The following ZNF362 variants were observed in gnomAD, a reference collection of about 807,000 sequenced individuals.
ZNF362 encodes rotund homolog.
A neutral mutation model predicts 42.9 loss-of-function variants in ZNF362; 11 were observed. The ratio of observed to expected loss-of-function variants is 0.26; its 90% CI spans 0.16 to 0.42. ZNF362 has a LOEUF of 0.42. Among genes scored for constraint, ZNF362 ranks in the 20% least tolerant of loss-of-function variants. ZNF362 has a pLI of 1.00. For synonymous variants in ZNF362, 255 were observed against 257.3 expected (o/e 0.99, Z 0.09); for missense variants, 362 against 576.2 (o/e 0.63, Z 3.81).
At chr1:33,165,464 G>A in the ZNF362 span, 2 of 1,591,966 alleles carry the variant, frequency 1.3e-6, no homozygotes, top group Admixed American at 3.4e-5. This position sits in a 1 kb window ranked among gnomAD's most constrained non-coding sequence, Gnocchi z 4.0. Context: ...GCCCCGGCCA[G>A]GCTCACCTTG....
intron 6 of ZNF362, among the ~76,000 whole-genome samples, chr1:33,286,613 C>T (rs772350126): frequency 2.6e-5 from 4 of 152,078 alleles, no homozygotes; most frequent in Non-Finnish European, 5.9e-5. Context: ...AGTCACTAGA[C>T]GCTTGCACAT....
At chr1:33,129,183 G>A in the ZNF362 span, among the ~76,000 whole-genome samples, 3 of 152,142 alleles carry the variant, frequency 2.0e-5, no homozygotes, top group South Asian at 2.1e-4. This position sits in a 1 kb window ranked among gnomAD's most constrained non-coding sequence, Gnocchi z 4.1. Flanking sequence ...GGCATATTAC[G>A]AAGAAGTGAT....
At chr1:33,165,528 G>C in the ZNF362 span, 1 of 1,610,644 alleles carries the variant, frequency 6.2e-7, no homozygotes, top group Non-Finnish European at 8.5e-7. This position sits in a 1 kb window ranked among gnomAD's most constrained non-coding sequence, Gnocchi z 4.0. Context: ...GTTCCCGCTC[G>C]CTGTCTTGAA....
At chr1:33,257,430 T>C (rs56918669) in intron 1 of ZNF362, among the ~76,000 whole-genome samples, 2,662 of 149,976 alleles carry the variant, frequency 0.018, 31 homozygotes, top group Non-Finnish European at 0.023. Context: ...TTCTTTCTTT[T>C]TTTTTTTTTT....
At chr1:33,245,556 G>A in the ZNF362 span, among the ~76,000 whole-genome samples, 4 of 152,124 alleles carry the variant, frequency 2.6e-5, no homozygotes, top group Non-Finnish European at 4.4e-5. Flanking sequence ...ATTAAGGATC[G>A]TGAGATGAGA....
At chr1:33,213,582 C>T in the ZNF362 span, among the ~76,000 whole-genome samples, 1 of 152,090 alleles carries the variant, frequency 6.6e-6, no homozygotes, top group Admixed American at 6.5e-5. Context: ...CGTGTTGGCT[C>T]ACGCCTGTAA....
the ZNF362 span, among the ~76,000 whole-genome samples, chr1:33,133,754 C>T: frequency 6.6e-6 from 1 of 152,242 alleles, no homozygotes; most frequent in Non-Finnish European, 1.5e-5. Flanking sequence ...CCACACAACA[C>T]TGGGCTCCCA....
chr1:33,275,888 G>A (rs546525395), intron 2 of ZNF362, among the ~76,000 whole-genome samples: 1 of 152,142 alleles, frequency 6.6e-6, no homozygotes, highest in East Asian at 1.9e-4. Flanking sequence ...ACTAAGGGGG[G>A]GTGGTGGGGG....
the ZNF362 span, among the ~76,000 whole-genome samples, chr1:33,190,367 T>G: frequency 3.7e-3 from 558 of 152,276 alleles, 4 homozygotes; most frequent in Non-Finnish European, 5.9e-3. Context: ...GATGGTTAAG[T>G]GCTGCTACCT....
At chr1:33,269,677 C>T (rs539646243) in intron 1 of ZNF362, among the ~76,000 whole-genome samples, 4 of 152,320 alleles carry the variant, frequency 2.6e-5, no homozygotes, top group African/African-American at 9.6e-5. Context: ...GCTGAGATTA[C>T]AGGCATGAAC....
intron 6 of ZNF362, among the ~76,000 whole-genome samples, chr1:33,292,062 T>C (rs961005189): frequency 1.4e-4 from 21 of 152,278 alleles, no homozygotes; most frequent in African/African-American, 5.1e-4. Flanking sequence ...CCTTTATTTC[T>C]TTCTCCTGCC....
Position 33,270,710 on chromosome 1 carries a change from C to T in ZNF362, c.38+98C>T, listed in dbSNP as rs539639191. On this transcript the variant is annotated intron_variant, in intron 2 of 8. Transcript: ENST00000539719. ...TCGTCCCACCTTCCCTGAGTGCCCC[C>T]GCTGCTACCCTCTGGGTCTGCCCTG... 1.8e-4 allele frequency: 274 copies of T among 1,549,472 alleles called. 4 individuals carry two copies. In the South Asian group the frequency reaches 2.4e-3, roughly 13 times the overall value.
At chr1:33,239,919 C>T in the ZNF362 span, among the ~76,000 whole-genome samples, 1 of 152,270 alleles carries the variant, frequency 6.6e-6, no homozygotes, top group African/African-American at 2.4e-5. Context: ...TAGTAACAGA[C>T]TATCACCCAT....
At chr1:33,217,362 T>A in the ZNF362 span, among the ~76,000 whole-genome samples, 1 of 152,168 alleles carries the variant, frequency 6.6e-6, no homozygotes, top group African/African-American at 2.4e-5. Context: ...CCTTGCCCAA[T>A]CTGAGCCATG....
chr1:33,179,027 C>T, the ZNF362 span, among the ~76,000 whole-genome samples: 1 of 152,244 alleles, frequency 6.6e-6, no homozygotes, highest in Non-Finnish European at 1.5e-5. Context: ...AGCCCTGGCT[C>T]TCTCACTGTC....
chr1:33,228,401 T>C, the ZNF362 span, among the ~76,000 whole-genome samples: 1 of 152,214 alleles, frequency 6.6e-6, no homozygotes. Context: ...ACTTTTCCTC[T>C]GAACTTCTTT....
the ZNF362 span, among the ~76,000 whole-genome samples, chr1:33,183,572 G>C: frequency 1.3e-5 from 2 of 151,362 alleles, no homozygotes; most frequent in African/African-American, 4.8e-5. Flanking sequence ...CTCATGGAGT[G>C]AGTCTTGTTT....
At chr1:33,176,260 T>C in the ZNF362 span, 8 of 499,104 alleles carry the variant, frequency 1.6e-5, no homozygotes, top group South Asian at 1.5e-4. Context: ...GCAGGAGGGC[T>C]AGTTCTTACT....
the ZNF362 span, among the ~76,000 whole-genome samples, chr1:33,141,335 GC>G: frequency 6.6e-6 from 1 of 152,120 alleles, no homozygotes; most frequent in African/African-American, 2.4e-5. Context: ...CTGGGCTGGG[GC>G]CCTCTCAGTT....
Sources: allele counts gnomAD v4.1 joint callset (sites outside exome capture counted in the v4.1 genomes callset), GRCh38; gene constraint gnomAD v4.1.1; non-coding constraint Gnocchi (gnomAD v3.1); transcripts MANE v1.5; gene names NCBI Gene and HGNC (gene_info 2026-07-23, HGNC 2026-07-21).